ARHGEF3: variants seen among roughly 807,000 people sequenced by gnomAD.
ARHGEF3 encodes Rho guanine nucleotide exchange factor 3.
Under a neutral mutation model 63.2 loss-of-function variants are expected in ARHGEF3, and 28 were observed. The observed-to-expected ratio is 0.44, with a 90% CI of 0.33 to 0.61. The LOEUF (loss-of-function observed/expected upper bound fraction) is 0.61. ARHGEF3 is among the 20% of genes least tolerant of loss of function. The probability of loss-of-function intolerance (pLI) is 0.03; values close to 1 mark genes in which losing one functional copy is unlikely to be tolerated. For missense variants in ARHGEF3, 533 were observed against 659.3 expected (o/e 0.81, Z 2.10); for synonymous variants, 266 against 254.2 (o/e 1.05, Z -0.44).
intron 2 of ARHGEF3, among the ~76,000 whole-genome samples, chr3:56,969,451 G>T (rs1700809571): frequency 6.6e-6 from 1 of 151,972 alleles, no homozygotes; most frequent in South Asian, 2.1e-4. Flanking sequence ...CTGGCACATG[G>T]CTGGTATTAT....
chr3:56,896,127 T>C (rs1407342131), intron 3 of ARHGEF3, among the ~76,000 whole-genome samples: 1 of 152,154 alleles, frequency 6.6e-6, no homozygotes, highest in Non-Finnish European at 1.5e-5. Flanking sequence ...GGGCAGAGTG[T>C]GCAGTTTATT....
chr3:57,023,165 G>A (rs940574055), intron 2 of ARHGEF3, among the ~76,000 whole-genome samples: 1 of 152,258 alleles, frequency 6.6e-6, no homozygotes, highest in East Asian at 1.9e-4. Flanking sequence ...CACCACATCC[G>A]CTTCATTCAC....
At chr3:56,962,753 T>A (rs1220044354) in intron 2 of ARHGEF3, among the ~76,000 whole-genome samples, 1 of 152,042 alleles carries the variant, frequency 6.6e-6, no homozygotes, top group African/African-American at 2.4e-5. Context: ...AATGGAGAAA[T>A]GCCCACAGTA....
At chr3:56,917,481 C>CA (rs1352472386) in intron 3 of ARHGEF3, among the ~76,000 whole-genome samples, 1 of 152,134 alleles carries the variant, frequency 6.6e-6, no homozygotes, top group Non-Finnish European at 1.5e-5. Context: ...CCAGCAAAGA[C>CA]AGCAGGTTCA....
intron 2 of ARHGEF3, among the ~76,000 whole-genome samples, chr3:57,008,920 T>C (rs1702574512): frequency 6.6e-6 from 1 of 152,274 alleles, no homozygotes; most frequent in Non-Finnish European, 1.5e-5. Context: ...ATTGCCAACA[T>C]TTCAAAGTCC....
intron 4 of ARHGEF3, among the ~76,000 whole-genome samples, chr3:56,850,563 G>A (rs1199619398): frequency 6.6e-6 from 1 of 152,094 alleles, no homozygotes; most frequent in Non-Finnish European, 1.5e-5. Flanking sequence ...TTGGTTATTT[G>A]GAACCTGAAA....
At chr3:57,059,103 G>T (rs1163865228) in intron 1 of ARHGEF3, among the ~76,000 whole-genome samples, 1 of 151,918 alleles carries the variant, frequency 6.6e-6, no homozygotes, top group East Asian at 1.9e-4. Flanking sequence ...TAACAAACCT[G>T]CACGTTGTGC....
intron 7 of ARHGEF3, among the ~76,000 whole-genome samples, chr3:56,741,293 C>T (rs532265553): frequency 1.4e-4 from 21 of 148,332 alleles, no homozygotes; most frequent in Non-Finnish European, 2.7e-4. Flanking sequence ...TCAAGTGATT[C>T]GCTTGCCTCA....
intron 1 of ARHGEF3, among the ~76,000 whole-genome samples, chr3:57,041,589 G>C (rs1417591789): frequency 6.6e-6 from 1 of 152,040 alleles, no homozygotes; most frequent in Non-Finnish European, 1.5e-5. Context: ...ACAAAATCAA[G>C]ACTCCACCAA....
At chr3:57,055,406 C>A (rs1704879740) in intron 1 of ARHGEF3, among the ~76,000 whole-genome samples, 1 of 152,186 alleles carries the variant, frequency 6.6e-6, no homozygotes, top group African/African-American at 2.4e-5. Context: ...AGGTGATCTG[C>A]CCGCCTCGGC....
At chr3:56,743,349 C>T (rs1203358198) in intron 7 of ARHGEF3, among the ~76,000 whole-genome samples, 2 of 152,186 alleles carry the variant, frequency 1.3e-5, no homozygotes, top group Non-Finnish European at 2.9e-5. Context: ...ACAAAGGCAA[C>T]AGAAACTCAA....
intron 1 of ARHGEF3, among the ~76,000 whole-genome samples, chr3:57,056,037 A>G (rs1704916197): frequency 1.3e-5 from 2 of 152,092 alleles, no homozygotes; most frequent in South Asian, 2.1e-4. Flanking sequence ...ACAGAATATG[A>G]GCAGACATAG....
intron 2 of ARHGEF3, among the ~76,000 whole-genome samples, chr3:56,962,484 C>T (rs1167844814): frequency 6.6e-6 from 1 of 152,184 alleles, no homozygotes; most frequent in East Asian, 1.9e-4. Flanking sequence ...GCATGGTGTA[C>T]ACACATGGTT....
At chr3:56,732,456 A>T (rs748132995) in intron 8 of ARHGEF3, 32 bp from the exon 9 acceptor site, 1 of 1,610,986 alleles carries the variant, frequency 6.2e-7, no homozygotes, top group Non-Finnish European at 8.5e-7. Context: ...GCTTTCATTA[A>T]GCAATAATGT....
chr3:56,906,957 G>A (rs1351408897), intron 3 of ARHGEF3, among the ~76,000 whole-genome samples: 3 of 148,304 alleles, frequency 2.0e-5, no homozygotes, highest in Non-Finnish European at 4.5e-5. Context: ...TTAAAATCGC[G>A]ATTGTGGCTC....
chr3:56,912,495 T>C (rs1161800573), intron 3 of ARHGEF3, among the ~76,000 whole-genome samples: 1 of 152,238 alleles, frequency 6.6e-6, no homozygotes, highest in East Asian at 1.9e-4. Flanking sequence ...CCTGATCCAC[T>C]ACTTAACCAT....
chr3:56,986,949 T>C (rs1701566772), intron 2 of ARHGEF3, among the ~76,000 whole-genome samples: 1 of 152,210 alleles, frequency 6.6e-6, no homozygotes, highest in South Asian at 2.1e-4. Flanking sequence ...TGATGGCTCA[T>C]GCCTGTAATC....
At chr3:56,879,151 G>A (rs142753536) in intron 4 of ARHGEF3, among the ~76,000 whole-genome samples, 6 of 152,134 alleles carry the variant, frequency 3.9e-5, no homozygotes, top group Non-Finnish European at 8.8e-5. Context: ...GTATTACAAT[G>A]TAATAATAAT....
intron 1 of ARHGEF3, among the ~76,000 whole-genome samples, chr3:57,046,070 A>C (rs1421279636): frequency 6.6e-6 from 1 of 152,208 alleles, no homozygotes; most frequent in Non-Finnish European, 1.5e-5. Context: ...ATTCTAAATA[A>C]TGCTTTATGA....
Sources: gnomAD v4.1 joint callset for allele counts (sites outside exome capture counted in the v4.1 genomes callset) on GRCh38, gnomAD v4.1.1 for gene constraint, MANE v1.5 for transcripts, NCBI Gene and HGNC (gene_info 2026-07-23, HGNC 2026-07-21) for gene names.